NKAIN1: variants seen among roughly 807,000 people sequenced by gnomAD.
The protein encoded by NKAIN1 is sodium/potassium transporting ATPase interacting 1.
NKAIN1 carries 13 observed loss-of-function variants against 31.6 expected under a neutral mutation model. The ratio of observed to expected loss-of-function variants is 0.41; its 90% CI spans 0.27 to 0.65. The LOEUF (loss-of-function observed/expected upper bound fraction) is 0.65. Among genes scored for constraint, NKAIN1 ranks in the 30% least tolerant of loss-of-function variants. The pLI is 0.30. For synonymous variants in NKAIN1, 104 were observed against 109.0 expected (o/e 0.95, Z 0.28); for missense variants, 193 against 262.2 (o/e 0.74, Z 1.82).
At chr1:31,222,609 C>G (rs72659266) in intron 1 of NKAIN1, among the ~76,000 whole-genome samples, 40,056 of 152,068 alleles carry the variant, frequency 0.26, 6,587 homozygotes, top group Middle Eastern at 0.41. Context: ...AATGCATCCT[C>G]TTCAACCAGG....
At chr1:31,200,337 A>G (rs773890663) in intron 1 of NKAIN1, among the ~76,000 whole-genome samples, 6 of 152,198 alleles carry the variant, frequency 3.9e-5, no homozygotes, top group Non-Finnish European at 7.3e-5. Flanking sequence ...CATAACAATA[A>G]ACAGTTATGA....
intron 1 of NKAIN1, among the ~76,000 whole-genome samples, chr1:31,209,217 A>C (rs927949169): frequency 2.6e-5 from 4 of 152,150 alleles, no homozygotes; most frequent in Non-Finnish European, 5.9e-5. Flanking sequence ...TCTACTAAAA[A>C]CACAAAAGTT....
At chr1:31,209,246 G>C (rs1308439488) in intron 1 of NKAIN1, among the ~76,000 whole-genome samples, 2 of 152,122 alleles carry the variant, frequency 1.3e-5, no homozygotes, top group Non-Finnish European at 2.9e-5. Context: ...TTGGTGGTGG[G>C]CACCTGTAGT....
Position 31,188,112 on chromosome 1 carries a change from T to C in NKAIN1, c.130A>G (p.Ile44Val), listed in dbSNP as rs1009169885. ...WAPILANFLH[I>V]MAVILGIFGT... The stretch of plus-strand genomic sequence containing the variant: ...AAGATGCCCAGGATGACTGCCATGA[T>C]GTGCAGGAAGTTGGCTAGGATGGGA... The change falls in exon 2 of 7, where the codon ATC becomes GTC. Residue 44 changes from isoleucine to valine, a missense_variant. Transcript: ENST00000373736. 3 of 1,552,966 alleles carry C rather than the reference T, an allele frequency of 1.9e-6. No individual in the cohort carries two copies. Among genetic ancestry groups the C allele is most frequent in the Non-Finnish European group, 2.6e-6 (3 of 1,147,734 alleles).
intron 1 of NKAIN1, among the ~76,000 whole-genome samples, chr1:31,216,565 G>A (rs974796331): frequency 6.6e-6 from 1 of 152,156 alleles, no homozygotes; most frequent in African/African-American, 2.4e-5. Flanking sequence ...AGGTCCCCTG[G>A]CTCATGTCCA....
At position 31,238,888 on chromosome 1, in the gene NKAIN1, G is replaced by C. The variant is rs532431238; in HGVS notation, c.54+606C>G. Among the ~76,000 whole-genome samples, 4 of 152,216 alleles carry C rather than the reference G, an allele frequency of 2.6e-5. No individual in the cohort carries two copies. The South Asian group carries it at 6.2e-4, about 24-fold the overall frequency. Reference sequence around the variant, plus strand: ...CCCAGGACTGCCCGGTCAGGAAGGTGAAGGGAGGCAGAAACAACACAAAGG... The same window carrying C: ...CCCAGGACTGCCCGGTCAGGAAGGTCAAGGGAGGCAGAAACAACACAAAGG... On this transcript the variant is annotated intron_variant, in intron 1 of 6. Transcript: ENST00000373736.
intron 1 of NKAIN1, among the ~76,000 whole-genome samples, chr1:31,208,349 C>CA (rs397715016): frequency 2.6e-5 from 4 of 152,052 alleles, no homozygotes; most frequent in Admixed American, 6.6e-5. Flanking sequence ...TTCCACCCCC[C>CA]GCTTATGGAA....
chr1:31,225,033 C>CTTTGCTTTTTTTTTTTTTTTTTTTTT (rs1645592189), intron 1 of NKAIN1, among the ~76,000 whole-genome samples: 1 of 112,132 alleles, frequency 8.9e-6, no homozygotes, highest in African/African-American at 4.2e-5. Flanking sequence ...CTTTTCTTTT[C>CTTTGCTTTTTTTTTTTTTTTTTTTTT]TTTTTTTTTT....
At chr1:31,216,696 T>TATTTATCTATTTATTTATC (rs1557659459) in intron 1 of NKAIN1, among the ~76,000 whole-genome samples, 8 of 46,610 alleles carry the variant, frequency 1.7e-4, no homozygotes, top group East Asian at 2.9e-3. Context: ...TGACTTTTAT[T>TATTTATCTATTTATTTATC]TATTTATTTA....
intron 1 of NKAIN1, among the ~76,000 whole-genome samples, chr1:31,195,588 C>T (rs1029035677): frequency 6.6e-6 from 1 of 152,000 alleles, no homozygotes; most frequent in East Asian, 1.9e-4. Context: ...ATCCTTCTCA[C>T]TGGCTCCTAA....
At chr1:31,184,270 C>G (rs1161289041) in intron 3 of NKAIN1, among the ~76,000 whole-genome samples, 1 of 152,144 alleles carries the variant, frequency 6.6e-6, no homozygotes, top group Non-Finnish European at 1.5e-5. Context: ...AATTTCCCAG[C>G]CACAGGTGAA....
At chr1:31,194,119 G>A (rs1403847562) in intron 1 of NKAIN1, among the ~76,000 whole-genome samples, 2 of 152,148 alleles carry the variant, frequency 1.3e-5, no homozygotes, top group Non-Finnish European at 2.9e-5. Flanking sequence ...CTCCCGCCAG[G>A]GGAAGGCTGG....
intron 1 of NKAIN1, among the ~76,000 whole-genome samples, chr1:31,226,039 C>A (rs1339019476): frequency 6.6e-6 from 1 of 152,240 alleles, no homozygotes; most frequent in Non-Finnish European, 1.5e-5. Context: ...TGAAGCTTCA[C>A]CCAGGGAATA....
chr1:31,218,068 C>CTTTCTTTCT (rs71569970), intron 1 of NKAIN1, among the ~76,000 whole-genome samples: 95 of 132,972 alleles, frequency 7.1e-4, no homozygotes, highest in African/African-American at 9.9e-4. Flanking sequence ...TTCTTTCTTT[C>CTTTCTTTCT]TTTTTTTTTT....
chr1:31,186,390 T>TTG (rs1419125603), intron 2 of NKAIN1, among the ~76,000 whole-genome samples: 43 of 140,006 alleles, frequency 3.1e-4, no homozygotes, highest in African/African-American at 9.8e-4. Context: ...CTTAATTCTT[T>TTG]TGTGTTTTTT....
chr1:31,199,592 G>A (rs1212915296), intron 1 of NKAIN1, among the ~76,000 whole-genome samples: 2 of 152,136 alleles, frequency 1.3e-5, no homozygotes, highest in Admixed American at 6.6e-5. Context: ...TGACAGCAGA[G>A]GGGGCAGTGA....
intron 1 of NKAIN1, among the ~76,000 whole-genome samples, chr1:31,225,033 CT>C (rs1553163963): frequency 6.5e-4 from 73 of 112,040 alleles, no homozygotes; most frequent in Non-Finnish European, 6.7e-4. Flanking sequence ...CTTTTCTTTT[CT>C]TTTTTTTTTT....
At chr1:31,223,995 A>G (rs1168598979) in intron 1 of NKAIN1, among the ~76,000 whole-genome samples, 2 of 152,128 alleles carry the variant, frequency 1.3e-5, no homozygotes, top group South Asian at 2.1e-4. Flanking sequence ...GAGATCATCT[A>G]CTCTAACTCA....
rs566703530 is a variant in NKAIN1, at chr1:31,233,140, C to A, written c.54+6354G>T. 6.6e-6 allele frequency among the ~76,000 whole-genome samples: 1 copy of A among 152,056 alleles called. No individual in the cohort carries two copies. Among genetic ancestry groups the A allele is most frequent in the East Asian group, 1.9e-4 (1 of 5,184 alleles). On this transcript the variant is annotated intron_variant, in intron 1 of 6. Coordinates refer to ENST00000373736, the MANE Select transcript of NKAIN1 (RefSeq NM_024522.3). The surrounding 1 kb of genome is among the most constrained non-coding windows in gnomAD (Gnocchi z 4.0). ...ATTTTTTGTATTTTTAGTAGAGATG[C>A]GGTTTCACCACATTGGCCAGGCTGG...
Sources: gnomAD v4.1 joint callset for allele counts (sites outside exome capture counted in the v4.1 genomes callset) on GRCh38, gnomAD v4.1.1 for gene constraint, Gnocchi (gnomAD v3.1) non-coding constraint, MANE v1.5 for transcripts, NCBI Gene and HGNC (gene_info 2026-07-23, HGNC 2026-07-21) for gene names.